KSR2: variants seen among roughly 807,000 people sequenced by gnomAD.
KSR2 encodes the protein kinase suppressor of ras 2.
A neutral mutation model predicts 107.8 loss-of-function variants in KSR2; 25 were observed. The ratio of observed to expected loss-of-function variants is 0.23; its 90% CI spans 0.17 to 0.32. The LOEUF (loss-of-function observed/expected upper bound fraction) is 0.32. Ranked by LOEUF, KSR2 falls within the 10% of genes least tolerant of loss-of-function variation. The probability of loss-of-function intolerance (pLI) is 1.00; values close to 1 mark genes in which losing one functional copy is unlikely to be tolerated. For synonymous variants in KSR2, 480 were observed against 507.0 expected (o/e 0.95, Z 0.71); for missense variants, 887 against 1,268.9 (o/e 0.70, Z 4.57).
chr12:117,505,187 A>C (rs182961216), intron 14 of KSR2, among the ~76,000 whole-genome samples: 1 of 152,090 alleles, frequency 6.6e-6, no homozygotes, highest in African/African-American at 2.4e-5. Context: ...GTGTCTTGGC[A>C]ATTGTGAATT....
intron 1 of KSR2, among the ~76,000 whole-genome samples, chr12:117,868,163 C>T (rs1306605910): frequency 1.3e-5 from 2 of 152,296 alleles, no homozygotes; most frequent in Admixed American, 1.3e-4. Context: ...CACAGTGGCT[C>T]ATGCCTGTAA....
intron 9 of KSR2, among the ~76,000 whole-genome samples, chr12:117,547,594 T>C (rs1876970190): frequency 6.6e-6 from 1 of 152,034 alleles, no homozygotes; most frequent in Non-Finnish European, 1.5e-5. Flanking sequence ...ATCTTTGCTG[T>C]TATGGGTAGG....
intron 17 of KSR2, 58 bp downstream of exon 17, chr12:117,476,406 G>A (rs1871782954): frequency 6.7e-7 from 1 of 1,499,318 alleles, no homozygotes; most frequent in South Asian, 1.3e-5. Flanking sequence ...TGAAAGACTT[G>A]AGAAGTGCCC....
chr12:117,785,302 C>A (rs975742080), intron 3 of KSR2, among the ~76,000 whole-genome samples: 31 of 148,472 alleles, frequency 2.1e-4, no homozygotes, highest in Non-Finnish European at 3.7e-4. Flanking sequence ...GTAGTCCCAG[C>A]TACTTGGGAG....
intron 14 of KSR2, among the ~76,000 whole-genome samples, chr12:117,493,965 G>A (rs1163426582): frequency 6.6e-6 from 1 of 152,184 alleles, no homozygotes; most frequent in East Asian, 1.9e-4. Flanking sequence ...CCAGCCATAG[G>A]GAACTGTAAG....
chr12:117,868,583 AAAG>A (rs1473596516), intron 1 of KSR2, among the ~76,000 whole-genome samples: 1 of 152,162 alleles, frequency 6.6e-6, no homozygotes, highest in Non-Finnish European at 1.5e-5. Context: ...ACATTGTACC[AAAG>A]AAGAAACTAG....
At chr12:117,541,510 G>T (rs1226800815) in intron 9 of KSR2, among the ~76,000 whole-genome samples, 1 of 152,194 alleles carries the variant, frequency 6.6e-6, no homozygotes, top group African/African-American at 2.4e-5. Context: ...ATATAAAAGG[G>T]ATTCCTACCT....
At chr12:117,967,817 T>C (rs918910411) in intron 1 of KSR2, among the ~76,000 whole-genome samples, 9 of 151,704 alleles carry the variant, frequency 5.9e-5, no homozygotes, top group Non-Finnish European at 1.2e-4. Context: ...AAATAAAGAA[T>C]AACAATTACT....
Position 117,658,810 on chromosome 12 carries a change from C to T in KSR2, c.1171+8664G>A, listed in dbSNP as rs192609824. Reference sequence around the variant, plus strand: ...CAAACCCAACCCCCCTGCAGCGCTACCACTTCATAGAAATGAGGTCAGGCC... The same window carrying T: ...CAAACCCAACCCCCCTGCAGCGCTATCACTTCATAGAAATGAGGTCAGGCC... On this transcript the variant is annotated intron_variant, in intron 5 of 19. Coordinates refer to ENST00000339824, the MANE Select transcript of KSR2 (RefSeq NM_173598.6). Among the ~76,000 whole-genome samples, 72 of 152,230 alleles carry T rather than the reference C, an allele frequency of 4.7e-4. 1 individual carries two copies. Among genetic ancestry groups the T allele is most frequent in the African/African-American group, 1.7e-3 (72 of 41,540 alleles).
intron 3 of KSR2, among the ~76,000 whole-genome samples, chr12:117,773,886 A>G (rs1889595389): frequency 6.6e-6 from 1 of 152,194 alleles, no homozygotes; most frequent in African/African-American, 2.4e-5. Flanking sequence ...ACCATGTGCC[A>G]GATACTATTC....
intron 1 of KSR2, among the ~76,000 whole-genome samples, chr12:117,884,862 C>T (rs1013961312): frequency 6.6e-6 from 1 of 152,118 alleles, no homozygotes; most frequent in Non-Finnish European, 1.5e-5. Flanking sequence ...CCATCTGCTC[C>T]GTTCCTCTTT....
intron 14 of KSR2, among the ~76,000 whole-genome samples, chr12:117,491,785 G>C (rs1021259620): frequency 6.6e-6 from 1 of 152,148 alleles, no homozygotes; most frequent in Non-Finnish European, 1.5e-5. Context: ...TTGAATGCAG[G>C]CCACCTGGAT....
intron 4 of KSR2, among the ~76,000 whole-genome samples, chr12:117,743,009 T>C (rs555762460): frequency 9.3e-4 from 141 of 152,308 alleles, no homozygotes; most frequent in African/African-American, 3.1e-3. Context: ...CATGTATCCA[T>C]TGCCTATATA....
At chr12:117,718,330 G>A (rs1887076707) in intron 4 of KSR2, among the ~76,000 whole-genome samples, 1 of 152,168 alleles carries the variant, frequency 6.6e-6, no homozygotes, top group South Asian at 2.1e-4. Flanking sequence ...CTGAAACCCT[G>A]TTGTTCACTG....
chr12:117,662,113 C>T (rs1282183489), intron 5 of KSR2, among the ~76,000 whole-genome samples: 2 of 152,124 alleles, frequency 1.3e-5, no homozygotes, highest in Non-Finnish European at 2.9e-5. Context: ...ATACCAGCAC[C>T]GACCCCAGCT....
At chr12:117,769,820 G>A (rs753615922) in intron 3 of KSR2, among the ~76,000 whole-genome samples, 11 of 152,130 alleles carry the variant, frequency 7.2e-5, no homozygotes, top group East Asian at 1.9e-4. Flanking sequence ...TTGGGAGGCC[G>A]AGGCGGGTGG....
chr12:117,725,809 T>C (rs972761231), intron 4 of KSR2, among the ~76,000 whole-genome samples: 2 of 152,076 alleles, frequency 1.3e-5, no homozygotes, highest in African/African-American at 4.8e-5. Context: ...TAGCCAGGCA[T>C]GGTGGTGCAC....
chr12:117,856,580 G>A (rs188490099), intron 2 of KSR2, among the ~76,000 whole-genome samples: 1 of 152,048 alleles, frequency 6.6e-6, no homozygotes, highest in Admixed American at 6.6e-5. Flanking sequence ...GGGTTCAAGC[G>A]ATTCTCCTGC....
intron 1 of KSR2, among the ~76,000 whole-genome samples, chr12:117,943,053 T>TA (rs1314349219): frequency 1.3e-5 from 2 of 152,134 alleles, no homozygotes; most frequent in Non-Finnish European, 2.9e-5. Context: ...GACTACAAAA[T>TA]ACATACCATA....
Sources: gnomAD v4.1 joint callset for allele counts (sites outside exome capture counted in the v4.1 genomes callset) on GRCh38, gnomAD v4.1.1 for gene constraint, MANE v1.5 for transcripts, NCBI Gene and HGNC (gene_info 2026-07-23, HGNC 2026-07-21) for gene names.